COMMD9: variants seen among roughly 807,000 people sequenced by gnomAD.
The protein encoded by COMMD9 is COMM domain containing 9, also known as COMM domain-containing protein 9.
In COMMD9, 22 loss-of-function variants were observed where a neutral mutation model predicts 23.4. That is an observed-to-expected ratio of 0.94 (90% CI 0.67 to 1.34). The LOEUF is 1.34. COMMD9 is among the 40% of genes most tolerant of loss of function. COMMD9 has a pLI of 0.00. For missense variants in COMMD9, 231 were observed against 240.2 expected, an observed-to-expected ratio of 0.96 and a Z score of 0.25; for synonymous variants, 99 against 97.4, an observed-to-expected ratio of 1.02 and a Z score of -0.10.
chr11:36,288,266 A>G (rs1432060766), intron 1 of COMMD9, among the ~76,000 whole-genome samples: 4 of 152,136 alleles, frequency 2.6e-5, no homozygotes, highest in Non-Finnish European at 4.4e-5. Flanking sequence ...TAAAAAATAA[A>G]TAAGTAAAAC....
Position 36,277,103 on chromosome 11 carries a change from G to A in COMMD9, c.338C>T (p.Ala113Val). The change falls in exon 4 of 6, where the codon GCC becomes GTC. Residue 113 changes from alanine (A) to valine (V), a missense_variant. Ala to Val is a moderately conservative substitution (Grantham distance 64). Transcript: ENST00000263401. ...LEHVSTWRTE[A>V]QANQISLPRL... The stretch of plus-strand genomic sequence containing the variant: ...TTGGTACTCACTCTGATTTGCCTGG[G>A]CTTCGGTTCTCCAAGTAGACCTGTT... 1 of 1,606,082 alleles carries A rather than the reference G, an allele frequency of 6.2e-7. No homozygotes were observed. Among genetic ancestry groups the A allele is most frequent in the Non-Finnish European group, 8.5e-7 (1 of 1,176,258 alleles).
intron 3 of COMMD9, among the ~76,000 whole-genome samples, chr11:36,277,919 T>TTCTAATGGCCAACTTGC (rs1251057183): frequency 6.6e-6 from 1 of 152,124 alleles, no homozygotes; most frequent in East Asian, 1.9e-4. Flanking sequence ...ACTGCAATAT[T>TTCTAATGGCCAACTTGC]TCTAATGGCC....
intron 1 of COMMD9, among the ~76,000 whole-genome samples, chr11:36,285,397 T>G (rs141229152): frequency 1.3e-5 from 2 of 152,202 alleles, no homozygotes; most frequent in Non-Finnish European, 2.9e-5. Flanking sequence ...TAGACCCAGA[T>G]AGTTTAACTG....
intron 1 of COMMD9, among the ~76,000 whole-genome samples, chr11:36,286,395 C>CAAAAAAAAAAAAAAAAAAAAAAAAAAA (rs138463305): frequency 1.3e-5 from 1 of 76,944 alleles, no homozygotes; most frequent in Non-Finnish European, 2.4e-5. Context: ...ACTAAAAATA[C>CAAAAAAAAAAAAAAAAAAAAAAAAAAA]AAAAAAAAAA....
rs79468939 is a variant in COMMD9 at position 36,284,104 on chromosome 11, T to TCAACAACAACAACAA, written c.52-3282_52-3268dup. Among the ~76,000 whole-genome samples the TCAACAACAACAACAA allele has an allele frequency of 6.7e-5, 10 of 149,582 alleles. 1 individual carries two copies. In the South Asian group the frequency reaches 2.1e-3, roughly 32 times the overall value. On this transcript the variant is annotated intron_variant, in intron 1 of 5. Coordinates refer to ENST00000263401, the MANE Select transcript of COMMD9 (RefSeq NM_014186.4). The stretch of plus-strand genomic sequence containing the variant: ...CTGGGTGACAGAGCGAGACCCTGTC[T>TCAACAACAACAACAA]CAACAACAACAACAACAACAACAAC...
At position 36,272,351 on chromosome 11, in the gene COMMD9, T is replaced by G. The variant is rs551201994; in HGVS notation, c.*2281A>C. On this transcript the variant is annotated 3_prime_UTR_variant, in exon 6 of 6. Coordinates refer to ENST00000263401, the MANE Select transcript of COMMD9 (RefSeq NM_014186.4). ...TATTTATCAAATGCCCTCTGCGTCA[T>G]GTACCCAGATGGCTCTATTCGGACA... 2 of 157,706 alleles carry G rather than the reference T, an allele frequency of 1.3e-5. No homozygotes were observed. The highest frequency in any genetic ancestry group is 2.8e-5 in the Non-Finnish European group (2 of 71,586). 9.8% of individuals were successfully genotyped at this position (157,706 alleles called of 1,614,324 possible). A position where few individuals can be genotyped will look rare whatever the true frequency, so the allele number is the denominator to read the frequency against.
rs199624362 is a variant in COMMD9 at position 36,276,161 on chromosome 11, G to A, written c.432C>T (p.Val144=). 2.0e-4 allele frequency: 324 copies of A among 1,613,974 alleles called. 2 individuals carry two copies. The South Asian group carries it at 3.3e-3, about 17-fold the overall frequency. The part of the protein sequence containing the change: ...TSSDSISRMA[V]PTCLLQMKIQ... ...CCTTCATCTGGAGCAGGCAGGTGGGGACGGCCATGCGGCTGATGCTGTCTG... is the reference window on the plus strand; with the variant it reads ...CCTTCATCTGGAGCAGGCAGGTGGGAACGGCCATGCGGCTGATGCTGTCTG... The change falls in exon 5 of 6, where the codon GTC becomes GTT. Residue 144 remains valine (V), a synonymous_variant. Transcript: ENST00000263401.
At position 36,279,699 on chromosome 11, in the gene COMMD9, A is replaced by G. The variant is rs373389866; in HGVS notation, c.177+1013T>C. On this transcript the variant is annotated intron_variant, in intron 2 of 5. Coordinates refer to ENST00000263401, the MANE Select transcript of COMMD9 (RefSeq NM_014186.4). The stretch of plus-strand genomic sequence containing the variant: ...TTGTGTTTTCTAGAATCATCTCCCA[A>G]ATAATCTACTTTGGGGGGGAACCCA... Among the ~76,000 whole-genome samples the G allele has an allele frequency of 3.2e-4, 48 of 152,344 alleles. 1 individual carries two copies. In the South Asian group the frequency reaches 9.5e-3, roughly 30 times the overall value.
intron 1 of COMMD9, among the ~76,000 whole-genome samples, chr11:36,283,463 T>C (rs1856099024): frequency 6.6e-6 from 1 of 152,210 alleles, no homozygotes; most frequent in Non-Finnish European, 1.5e-5. Context: ...GTAAAGTTTC[T>C]ATACTTCGCC....
At chr11:36,275,446 C>CTTT (rs11458932) in intron 5 of COMMD9, among the ~76,000 whole-genome samples, 6 of 142,464 alleles carry the variant, frequency 4.2e-5, no homozygotes, top group Non-Finnish European at 7.7e-5. Flanking sequence ...CTAGTAGAAA[C>CTTT]TTTTTTTTTT....
chr11:36,278,174 A>C (rs1429910700), intron 3 of COMMD9: 1 of 288,394 alleles, frequency 3.5e-6, no homozygotes, highest in Non-Finnish European at 6.5e-6. Context: ...ACTATCGTTA[A>C]TACTGTTAAC....
chr11:36,289,277 G>A lies in COMMD9; in HGVS notation c.51+85C>T, dbSNP rs987859226. ...GCAGCAGAGTTGTGGCTCCAAACCA[G>A]GGTCAATTTGTTCCCAATTCCTGCT... On this transcript the variant is annotated intron_variant, in intron 1 of 5. Coordinates refer to ENST00000263401, the MANE Select transcript of COMMD9 (RefSeq NM_014186.4). 6.7e-6 allele frequency: 9 copies of A among 1,342,392 alleles called. No homozygotes were observed. The African/African-American group carries it at 8.7e-5, about 13-fold the overall frequency. 83.2% of individuals were successfully genotyped at this position (1,342,392 alleles called of 1,614,324 possible).
At chr11:36,277,717 T>C (rs1189024352) in intron 3 of COMMD9, among the ~76,000 whole-genome samples, 1 of 91,952 alleles carries the variant, frequency 1.1e-5, no homozygotes, top group East Asian at 2.7e-4. Flanking sequence ...AATATACAGA[T>C]ACTTCACAAA....
rs548819375 is a variant in COMMD9, at chr11:36,276,673, C to A, written c.352+416G>T. ...TCTGAGCTTCTGTTTGCTCATCAGC[C>A]TAGCTCACAGGGCTGAAGGGAGGAC... On this transcript the variant is annotated intron_variant, in intron 4 of 5. Coordinates refer to ENST00000263401, the MANE Select transcript of COMMD9 (RefSeq NM_014186.4). 5.9e-5 allele frequency: 12 copies of A among 203,308 alleles called. No homozygotes were observed. The East Asian group carries it at 1.4e-3, about 24-fold the overall frequency. 12.6% of individuals were successfully genotyped at this position (203,308 alleles called of 1,614,324 possible).
chr11:36,284,806 A>C (rs1031826216), intron 1 of COMMD9, among the ~76,000 whole-genome samples: 1 of 152,224 alleles, frequency 6.6e-6, no homozygotes, highest in Non-Finnish European at 1.5e-5. Context: ...TCTCAGGGAT[A>C]TTTTAAAAAT....
At position 36,273,594 on chromosome 11, in the gene COMMD9, G is replaced by A. The variant is rs536427746; in HGVS notation, c.*1038C>T. 1 of 152,402 alleles carries A rather than the reference G, an allele frequency of 6.6e-6. No homozygotes were observed. The highest frequency in any genetic ancestry group is 6.5e-5 in the Admixed American group (1 of 15,296). The allele number at this position is 152,402 out of a possible 1,614,324, so 9.4% of individuals were successfully genotyped here. ...CCTCCCAGGTTCACGCCATTCTCCT[G>A]CCTCAGCCTCCCGAGGAGCTGGGAC... On this transcript the variant is annotated 3_prime_UTR_variant, in exon 6 of 6. Transcript: ENST00000263401.
In COMMD9 at chr11:36,278,484, CT is replaced by C; in HGVS notation, c.309del (p.Glu104AsnfsTer48). The C allele has an allele frequency of 6.2e-7, 1 of 1,613,462 alleles. No individual in the cohort carries two copies. Among genetic ancestry groups the C allele is most frequent in the East Asian group, 2.2e-5 (1 of 44,876 alleles). On this transcript the variant is annotated frameshift_variant, in exon 3 of 6. Coordinates refer to ENST00000263401, the MANE Select transcript of COMMD9 (RefSeq NM_014186.4). LOFTEE classifies it high-confidence loss of function. ...NLKNLLTKII[L>X]EHVSTWRTEA... ...CAAGAAATGAGCACTTACACATGTTCTAGGATGATCTTTGTCAGCAGGTTTT... is the reference window on the plus strand; with the variant it reads ...CAAGAAATGAGCACTTACACATGTTCAGGATGATCTTTGTCAGCAGGTTTT...
At chr11:36,286,410 A>AAAAAAAAAG (rs1285648187) in intron 1 of COMMD9, among the ~76,000 whole-genome samples, 4 of 104,822 alleles carry the variant, frequency 3.8e-5, no homozygotes, top group African/African-American at 7.8e-5. Context: ...AAAAAAAAAA[A>AAAAAAAAAG]AAAGAAAGAA....
intron 2 of COMMD9, among the ~76,000 whole-genome samples, chr11:36,280,375 A>T (rs1856045259): frequency 1.3e-5 from 2 of 152,230 alleles, no homozygotes; most frequent in South Asian, 4.1e-4. Context: ...CCTGAATCTT[A>T]TGCAGGCCTC....
Sources: allele counts gnomAD v4.1 joint callset (sites outside exome capture counted in the v4.1 genomes callset), GRCh38; gene constraint gnomAD v4.1.1; transcripts MANE v1.5; gene names NCBI Gene and HGNC (gene_info 2026-07-23, HGNC 2026-07-21).